Variants in NSUN4 observed in about 807,000 individuals in gnomAD.
The protein encoded by NSUN4 is 5-cytosine rRNA methyltransferase NSUN4.
NSUN4 carries 31 observed loss-of-function variants against 43.8 expected under a neutral mutation model. That is an observed-to-expected ratio of 0.71 (90% CI 0.53 to 0.96). NSUN4 has a LOEUF of 0.96. Ranked by LOEUF, NSUN4 falls within the 40% of genes least tolerant of loss-of-function variation. The probability of loss-of-function intolerance (pLI) is 0.00; values close to 1 mark genes in which losing one functional copy is unlikely to be tolerated. For synonymous variants in NSUN4, 167 were observed against 184.1 expected, an observed-to-expected ratio of 0.91 and a Z score of 0.75; for missense variants, 439 against 475.6, an observed-to-expected ratio of 0.92 and a Z score of 0.72.
chr1:46,374,056 G>T, the NSUN4 span, among the ~76,000 whole-genome samples: 21 of 152,206 alleles, frequency 1.4e-4, no homozygotes, highest in African/African-American at 4.8e-4. Flanking sequence ...GAAGGCCGAG[G>T]CGGGTGGATT....
the NSUN4 span, among the ~76,000 whole-genome samples, chr1:46,384,081 T>C: frequency 2.0e-5 from 3 of 152,040 alleles, no homozygotes; most frequent in Non-Finnish European, 4.4e-5. Flanking sequence ...GAGATCGGAA[T>C]GGGTCAGGGT....
intron 1 of NSUN4, chr1:46,344,025 A>G (rs1476390768): frequency 1.4e-5 from 5 of 369,522 alleles, no homozygotes; most frequent in Non-Finnish European, 2.4e-5. Flanking sequence ...ATTGCCAGCT[A>G]TAGCAAGCAT....
intron 4 of NSUN4, among the ~76,000 whole-genome samples, chr1:46,354,890 C>T (rs894109833): frequency 2.0e-5 from 3 of 152,078 alleles, no homozygotes; most frequent in African/African-American, 7.2e-5. Flanking sequence ...AGACTGGTCT[C>T]GAACACCTGA....
rs1176745272 is a variant in NSUN4 at position 46,346,929 on chromosome 1, G to T, written c.446G>T (p.Ser149Ile). The T allele has an allele frequency of 6.2e-7, 1 of 1,613,340 alleles. No homozygotes were observed. Among genetic ancestry groups the T allele is most frequent in the Admixed American group, 1.7e-5 (1 of 59,854 alleles). ...ISRFPPARPG[S>I]LGVMEYYLMD... ...GGTCTCCTCTTTTCCAGACCTGGCA[G>T]CCTGGGTGTCATGGAGTACTACCTG... The change falls in exon 3 of 6, where the codon AGC becomes ATC. Residue 149 changes from serine (S) to isoleucine (I), a missense_variant. Transcript: ENST00000474844.
Position 46,346,906 on chromosome 1 carries a change from TCTC to T in NSUN4, c.438-11_438-9del, listed in dbSNP as rs1243713225. ...GACCTGGAATTTAACAATAAAGTGG[TCTC>T]CTCTTTTCCAGACCTGGCAGCCTGG... is the stretch of plus-strand genomic sequence containing the variant. On this transcript the variant is annotated splice_polypyrimidine_tract_variant and intron_variant, in intron 2 of 5. Transcript: ENST00000474844. 3.7e-6 allele frequency: 6 copies of T among 1,608,676 alleles called. No homozygotes were observed. The highest frequency in any genetic ancestry group is 1.3e-5 in the African/African-American group (1 of 74,820).
At position 46,363,483 on chromosome 1, in the gene NSUN4, G is replaced by C. The variant is rs934905204; in HGVS notation, c.*1637G>C. On this transcript the variant is annotated 3_prime_UTR_variant, in exon 6 of 6. Coordinates refer to ENST00000474844, the MANE Select transcript of NSUN4 (RefSeq NM_199044.4). ...AAAATGAGAGGGTCCCCTGCCTCTAGAGTCATCATCTAATTGGGGACAGGC... is the reference window on the plus strand; with the variant it reads ...AAAATGAGAGGGTCCCCTGCCTCTACAGTCATCATCTAATTGGGGACAGGC... 1.3e-5 allele frequency: 2 copies of C among 152,214 alleles called. No individual in the cohort carries two copies. Among genetic ancestry groups the C allele is most frequent in the East Asian group, 3.8e-4 (2 of 5,206 alleles). 9.4% of individuals were successfully genotyped at this position (152,214 alleles called of 1,614,324 possible).
Position 46,363,770 on chromosome 1 carries a change from A to C in NSUN4, c.*1924A>C, listed in dbSNP as rs1664019096. ...TATTCACATAATAGAACATTATACA[A>C]TTGTCAAATGAACTATAATGATACC... is the stretch of plus-strand genomic sequence containing the variant. On this transcript the variant is annotated 3_prime_UTR_variant, in exon 6 of 6. Transcript: ENST00000474844. The C allele has an allele frequency of 6.6e-6, 1 of 152,602 alleles. No homozygotes were observed. The highest frequency in any genetic ancestry group is 2.1e-4 in the South Asian group (1 of 4,834). 9.5% of individuals were successfully genotyped at this position (152,602 alleles called of 1,614,324 possible). A position where few individuals can be genotyped will look rare whatever the true frequency, so the allele number is the denominator to read the frequency against.
intron 4 of NSUN4, among the ~76,000 whole-genome samples, chr1:46,357,160 C>T (rs1232976188): frequency 2.0e-5 from 3 of 152,164 alleles, no homozygotes; most frequent in Non-Finnish European, 4.4e-5. Context: ...TTTCTTTCTT[C>T]TGTGACTGAG....
At chr1:46,348,070 C>T (rs758280567) in intron 3 of NSUN4, among the ~76,000 whole-genome samples, 3 of 152,080 alleles carry the variant, frequency 2.0e-5, no homozygotes, top group African/African-American at 7.2e-5. Context: ...TTAGTAGAGA[C>T]AGGGTTTCAC....
chr1:46,373,154 C>T, the NSUN4 span, among the ~76,000 whole-genome samples: 2 of 152,176 alleles, frequency 1.3e-5, no homozygotes, highest in African/African-American at 2.4e-5. Flanking sequence ...CTTAAATAAT[C>T]TCTGAGAAAT....
At chr1:46,378,552 A>T in the NSUN4 span, among the ~76,000 whole-genome samples, 1 of 152,194 alleles carries the variant, frequency 6.6e-6, no homozygotes, top group East Asian at 1.9e-4. Flanking sequence ...CCCTCCACTG[A>T]CTGTGTAGCA....
chr1:46,367,874 C>T (rs1363542140), downstream of NSUN4, among the ~76,000 whole-genome samples: 1 of 151,472 alleles, frequency 6.6e-6, no homozygotes, highest in South Asian at 2.1e-4. Flanking sequence ...AAGTGATCCT[C>T]CTGCCTCAGC....
chr1:46,377,487 T>C, the NSUN4 span, among the ~76,000 whole-genome samples: 1 of 152,362 alleles, frequency 6.6e-6, no homozygotes, highest in Non-Finnish European at 1.5e-5. Context: ...GACGTGCTTT[T>C]CTGCATGTCT....
intron 3 of NSUN4, among the ~76,000 whole-genome samples, chr1:46,348,799 T>TTGTGC (rs1271413218): frequency 2.9e-5 from 4 of 138,468 alleles, no homozygotes; most frequent in African/African-American, 8.0e-5. Context: ...AGCGAAGGCC[T>TTGTGC]TGTGCACTGT....
chr1:46,385,186 A>G, the NSUN4 span, among the ~76,000 whole-genome samples: 1 of 152,346 alleles, frequency 6.6e-6, no homozygotes, highest in African/African-American at 2.4e-5. Context: ...TTTTAATAAA[A>G]TCTTGTAGAC....
the NSUN4 span, among the ~76,000 whole-genome samples, chr1:46,376,124 G>A: frequency 7.3e-3 from 427 of 58,748 alleles, 2 homozygotes; most frequent in African/African-American, 0.017. Context: ...AAAAAAAAAA[G>A]AGGCCAGGTG....
the NSUN4 span, among the ~76,000 whole-genome samples, chr1:46,375,456 G>A: frequency 2.7e-5 from 4 of 149,086 alleles, no homozygotes; most frequent in East Asian, 2.0e-4. Context: ...AAAAAGGGCC[G>A]AGTGCAATGG....
intron 1 of NSUN4, chr1:46,343,935 A>G (rs951245073): frequency 2.5e-6 from 1 of 397,518 alleles, no homozygotes. Context: ...AGTCCTCACC[A>G]TAACAAGAAA....
chr1:46,380,043 C>A, the NSUN4 span, among the ~76,000 whole-genome samples: 2 of 152,108 alleles, frequency 1.3e-5, no homozygotes, highest in South Asian at 4.1e-4. Flanking sequence ...CTTTAGTAGG[C>A]CCCTGGGAAA....
Sources: gnomAD v4.1 joint callset for allele counts (sites outside exome capture counted in the v4.1 genomes callset) on GRCh38, gnomAD v4.1.1 for gene constraint, MANE v1.5 for transcripts, NCBI Gene and HGNC (gene_info 2026-07-23, HGNC 2026-07-21) for gene names.